Variants in ERO1A observed in about 807,000 individuals in gnomAD.
The protein encoded by ERO1A is endoplasmic reticulum oxidoreductase 1 alpha, also known as ERO1-like protein alpha.
In ERO1A, 49 loss-of-function variants were observed where a neutral mutation model predicts 76.9. That is an observed-to-expected ratio of 0.64 (90% CI 0.51 to 0.81). ERO1A has a LOEUF of 0.81. ERO1A is among the 30% of genes least tolerant of loss of function. ERO1A has a pLI of 0.00. For missense variants in ERO1A, 448 were observed against 542.1 expected, an observed-to-expected ratio of 0.83 and a Z score of 1.72; for synonymous variants, 174 against 181.2, an observed-to-expected ratio of 0.96 and a Z score of 0.32.
rs770876752 is a variant in ERO1A, at chr14:52,670,924, G to A, written c.508+706C>T. Among the ~76,000 whole-genome samples, 39 of 152,204 alleles carry A rather than the reference G, an allele frequency of 2.6e-4. No homozygotes were observed. In the Middle Eastern group the frequency reaches 0.014, roughly 53 times the overall value. ...TGGGATTCATTATATTCACAGTGTT[G>A]TGAAACCATCACCACTATCTGTTGC... is the stretch of plus-strand genomic sequence containing the variant. On this transcript the variant is annotated intron_variant, in intron 6 of 15. Transcript: ENST00000395686.
intron 13 of ERO1A, among the ~76,000 whole-genome samples, chr14:52,650,324 T>C (rs1402195730): frequency 1.3e-5 from 2 of 149,870 alleles, no homozygotes; most frequent in Non-Finnish European, 3.0e-5. Flanking sequence ...ATATCTAGTA[T>C]CTTTATTAAG....
chr14:52,647,564 G>T (rs373957385), intron 13 of ERO1A, among the ~76,000 whole-genome samples: 1 of 151,684 alleles, frequency 6.6e-6, no homozygotes, highest in Non-Finnish European at 1.5e-5. Flanking sequence ...TTGTTTTTAT[G>T]CTTTTAATAC....
chr14:52,687,989 C>T (rs746622259), intron 1 of ERO1A, among the ~76,000 whole-genome samples: 20 of 152,142 alleles, frequency 1.3e-4, no homozygotes, highest in Non-Finnish European at 2.6e-4. Flanking sequence ...AATTTGACAC[C>T]AACCTGGGCA....
intron 13 of ERO1A, among the ~76,000 whole-genome samples, 159 bp downstream of exon 13, chr14:52,652,080 C>T (rs2039888665): frequency 6.6e-6 from 1 of 151,744 alleles, no homozygotes; most frequent in South Asian, 2.1e-4. Flanking sequence ...AATCCTCCCA[C>T]CTCAGCCTCC....
intron 4 of ERO1A, among the ~76,000 whole-genome samples, chr14:52,675,150 G>A (rs764976437): frequency 7.9e-5 from 12 of 152,132 alleles, no homozygotes; most frequent in Non-Finnish European, 1.6e-4. Context: ...CTGGGAGGCC[G>A]AGACAGGTGG....
At chr14:52,651,323 C>T (rs1159593617) in intron 13 of ERO1A, among the ~76,000 whole-genome samples, 1 of 152,048 alleles carries the variant, frequency 6.6e-6, no homozygotes, top group Non-Finnish European at 1.5e-5. Context: ...CAAAACATCA[C>T]ACTGTGCCTT....
At chr14:52,679,207 G>C (rs1023377011) in intron 3 of ERO1A, among the ~76,000 whole-genome samples, 1 of 151,970 alleles carries the variant, frequency 6.6e-6, no homozygotes, top group African/African-American at 2.4e-5. Flanking sequence ...CCCAGTCTCA[G>C]GTGTTCCCTC....
intron 1 of ERO1A, among the ~76,000 whole-genome samples, chr14:52,691,752 T>C (rs958087719): frequency 1.3e-5 from 2 of 152,356 alleles, no homozygotes; most frequent in Non-Finnish European, 1.5e-5. Context: ...TAAGCTATCC[T>C]GAGTGTTACT....
chr14:52,657,765 C>A, intron 11 of ERO1A, 152 bp downstream of exon 11: 1 of 571,412 alleles, frequency 1.8e-6, no homozygotes, highest in Non-Finnish European at 3.1e-6. Context: ...ATCTACAGTT[C>A]CCACCTTTCT....
intron 11 of ERO1A, among the ~76,000 whole-genome samples, chr14:52,653,866 G>A (rs2039957679): frequency 6.6e-6 from 1 of 151,958 alleles, no homozygotes; most frequent in African/African-American, 2.4e-5. Flanking sequence ...TGGTCTCTCT[G>A]CCTGCAAACA....
chr14:52,688,413 T>C (rs543823393), intron 1 of ERO1A, among the ~76,000 whole-genome samples: 32 of 152,288 alleles, frequency 2.1e-4, no homozygotes, highest in Non-Finnish European at 3.4e-4. Context: ...TCCCAGCTAT[T>C]TAACCTCTCT....
At chr14:52,688,479 T>C (rs932947140) in intron 1 of ERO1A, among the ~76,000 whole-genome samples, 2 of 152,234 alleles carry the variant, frequency 1.3e-5, no homozygotes, top group Admixed American at 1.3e-4. Flanking sequence ...CTCAAAGAGT[T>C]GATACCAAGA....
chr14:52,685,184 G>C (rs1488740333), intron 1 of ERO1A, among the ~76,000 whole-genome samples: 2 of 152,054 alleles, frequency 1.3e-5, no homozygotes, highest in African/African-American at 2.4e-5. Flanking sequence ...TATCACAAAA[G>C]AGTAATGGAA....
rs2039442442 is a variant in ERO1A at position 52,640,705 on chromosome 14, T to A, written c.*2865A>T. Reference sequence around the variant, plus strand: ...GAGTGATGTATCAGAGAGGTGGAGATAAAATCAGTAAAACTTAGACACTAA... The same window carrying A: ...GAGTGATGTATCAGAGAGGTGGAGAAAAAATCAGTAAAACTTAGACACTAA... On this transcript the variant is annotated 3_prime_UTR_variant, in exon 16 of 16. Coordinates refer to ENST00000395686, the MANE Select transcript of ERO1A (RefSeq NM_014584.3). The A allele has an allele frequency of 6.6e-6, 1 of 152,050 alleles. No individual in the cohort carries two copies. The highest frequency in any genetic ancestry group is 6.6e-5 in the Admixed American group (1 of 15,242). The allele number at this position is 152,050 out of a possible 1,614,324, so 9.4% of individuals were successfully genotyped here. A position where few individuals can be genotyped will look rare whatever the true frequency, so the allele number is the denominator to read the frequency against.
At chr14:52,653,395 T>C (rs1308481384) in intron 11 of ERO1A, 80 bp from the exon 12 acceptor site, 22 of 1,100,156 alleles carry the variant, frequency 2.0e-5, no homozygotes, top group Non-Finnish European at 2.5e-5. Flanking sequence ...TTCATGCCTA[T>C]AGAAGTTAAT....
intron 11 of ERO1A, among the ~76,000 whole-genome samples, chr14:52,654,336 T>C (rs1195638816): frequency 2.0e-5 from 3 of 152,182 alleles, no homozygotes; most frequent in Non-Finnish European, 4.4e-5. Flanking sequence ...TTAGATGTAT[T>C]TCCAAAATTG....
chr14:52,683,803 G>T lies in ERO1A; in HGVS notation c.219C>A (p.Tyr73Ter). Residue 73 changes from tyrosine (Y) to a stop codon, truncating the protein, a stop_gained, in exon 2 of 16, where the codon TAC becomes TAA. Transcript: ENST00000395686. LOFTEE classifies it high-confidence loss of function. ...PRLQKLLESDYFRYYKVNLKR... is the reference protein window; with the variant it reads ...PRLQKLLESD ...TTAAAAATACCTTGTAATACCTAAA[G>T]TAGTCACTTTCAAGAAGTTTTTGTA... 6.8e-7 allele frequency: 1 copy of T among 1,475,714 alleles called. No individual in the cohort carries two copies. The highest frequency in any genetic ancestry group is 9.3e-7 in the Non-Finnish European group (1 of 1,074,182). The allele number at this position is 1,475,714 out of a possible 1,614,324, so 91.4% of individuals were successfully genotyped here.
In ERO1A at chr14:52,656,925, C is replaced by T. The variant is rs540508855; in HGVS notation, c.808+992G>A. Among the ~76,000 whole-genome samples, 18 of 151,918 alleles carry T rather than the reference C, an allele frequency of 1.2e-4. No homozygotes were observed. In the South Asian group the frequency reaches 3.7e-3, roughly 32 times the overall value. On this transcript the variant is annotated intron_variant, in intron 11 of 15. Coordinates refer to ENST00000395686, the MANE Select transcript of ERO1A (RefSeq NM_014584.3). ...AAAATATTGTGAAAAATTAGCTGGA[C>T]ATGGTGGCATGCTCCTGTAGTCATG...
intron 13 of ERO1A, among the ~76,000 whole-genome samples, chr14:52,651,517 C>T (rs1423370689): frequency 1.5e-5 from 2 of 136,948 alleles, no homozygotes; most frequent in African/African-American, 5.2e-5. Flanking sequence ...ATCAGTGTTA[C>T]TTTGAATATA....
Sources: allele counts gnomAD v4.1 joint callset (sites outside exome capture counted in the v4.1 genomes callset), GRCh38; gene constraint gnomAD v4.1.1; transcripts MANE v1.5; gene names NCBI Gene and HGNC (gene_info 2026-07-23, HGNC 2026-07-21).